The following SLC41A2 variants were observed in gnomAD, a reference collection of about 807,000 sequenced individuals.
The protein encoded by SLC41A2 is solute carrier family 41 member 2.
A neutral mutation model predicts 58.3 loss-of-function variants in SLC41A2; 32 were observed. That is an observed-to-expected ratio of 0.55 (90% CI 0.41 to 0.74). The LOEUF is 0.74. Ranked by LOEUF, SLC41A2 falls within the 30% of genes least tolerant of loss-of-function variation. The pLI is 0.00. For missense variants in SLC41A2, 514 were observed against 680.6 expected (o/e 0.76, Z 2.72); for synonymous variants, 190 against 235.0 (o/e 0.81, Z 1.75).
Position 104,802,214 on chromosome 12 carries a change from A to G in SLC41A2, c.*2938T>C, listed in dbSNP as rs1399459204. ...ATGGACAAGAAAGAAAAATGTTTCT[A>G]AAAGTGTTATCTGTGTATAAATAAA... On this transcript the variant is annotated 3_prime_UTR_variant, in exon 11 of 11. Transcript: ENST00000258538. 3.3e-5 allele frequency among the ~76,000 whole-genome samples: 5 copies of G among 152,206 alleles called. No homozygotes were observed. Among genetic ancestry groups the G allele is most frequent in the Admixed American group, 2.0e-4 (3 of 15,258 alleles).
chr12:104,954,588 T>C (rs2048076422), intron 1 of SLC41A2, among the ~76,000 whole-genome samples: 1 of 152,234 alleles, frequency 6.6e-6, no homozygotes, highest in African/African-American at 2.4e-5. Context: ...TTAGGTTGGA[T>C]AGTTTATATT....
intron 10 of SLC41A2, among the ~76,000 whole-genome samples, chr12:104,808,688 A>G (rs1215312267): frequency 1.3e-4 from 20 of 150,146 alleles, no homozygotes; most frequent in East Asian, 7.8e-4. Context: ...CTGTGAATCC[A>G]TCTGGTCCTG....
chr12:104,815,650 A>G (rs913836152), intron 10 of SLC41A2, among the ~76,000 whole-genome samples: 95 of 152,128 alleles, frequency 6.2e-4, no homozygotes, highest in African/African-American at 2.3e-3. Context: ...AATAAACCCG[A>G]GAAGTAGCAA....
chr12:104,861,117 T>C (rs150512017), intron 8 of SLC41A2, among the ~76,000 whole-genome samples, 174 bp downstream of exon 8: 1 of 152,324 alleles, frequency 6.6e-6, no homozygotes, highest in African/African-American at 2.4e-5. Flanking sequence ...ATTCTGCCTG[T>C]TGAGACCTGG....
Position 104,885,362 on chromosome 12 carries a change from T to C in SLC41A2, c.1027+931A>G, listed in dbSNP as rs549059211. ...GTCTCCAAAAGTCACAGAAAATTAT[T>C]GCCTTTGGTTGGTTAAAGCCCTTTC... On this transcript the variant is annotated intron_variant, in intron 6 of 10. Transcript: ENST00000258538. 2.7e-3 allele frequency among the ~76,000 whole-genome samples: 409 copies of C among 152,272 alleles called. 1 individual carries two copies. The highest frequency in any genetic ancestry group is 9.2e-3 in the African/African-American group (381 of 41,512).
chr12:104,889,266 C>CA (rs969045563), intron 4 of SLC41A2, 89 bp from the exon 5 acceptor site: 43 of 1,327,224 alleles, frequency 3.2e-5, no homozygotes, highest in Non-Finnish European at 4.2e-5. Context: ...TACAAAAAGT[C>CA]AAAAAAAGTA....
rs190191732 is a variant in SLC41A2, at chr12:104,826,370, C to T, written c.1536+18102G>A. ...AGGACAGATGGTCTGAGGTCCCATA[C>T]GTGCAGGCTTTCTATACCTTGCAAG... On this transcript the variant is annotated intron_variant, in intron 10 of 10. Transcript: ENST00000258538. Among the ~76,000 whole-genome samples, 8 of 152,330 alleles carry T rather than the reference C, an allele frequency of 5.3e-5. No homozygotes were observed. In the East Asian group the frequency reaches 1.2e-3, roughly 22 times the overall value.
chr12:104,927,978 C>T lies in SLC41A2; in HGVS notation c.550G>A (p.Val184Ile). 1 of 1,595,344 alleles carries T rather than the reference C, an allele frequency of 6.3e-7. No individual in the cohort carries two copies. Among genetic ancestry groups the T allele is most frequent in the South Asian group, 1.1e-5 (1 of 87,784 alleles). ...AAATAAAGATGAAAACCCACCTGTA[C>T]TATATCCAGTACCATGCCAGCTGAA... Reference protein sequence around the residue: ...TVSAGMVLDIVQHWEVFRKVT... With the variant: ...TVSAGMVLDIIQHWEVFRKVT... The change falls in exon 2 of 11, where the codon GTA becomes ATA. Residue 184 changes from valine to isoleucine, a missense_variant. Val to Ile is a conservative substitution (Grantham distance 29). Around this residue, in one of 3 missense-constraint regions of SLC41A2, gnomAD observed 336 missense variants for 430.0 expected, o/e 0.78. Coordinates refer to ENST00000258538, the MANE Select transcript of SLC41A2 (RefSeq NM_001352171.3).
At chr12:104,811,412 A>G (rs967117391) in intron 10 of SLC41A2, among the ~76,000 whole-genome samples, 2 of 152,226 alleles carry the variant, frequency 1.3e-5, no homozygotes, top group East Asian at 1.9e-4. Flanking sequence ...TCATTTTAAT[A>G]AAGTGTATAA....
At chr12:104,871,817 GAAATA>G (rs1446491475) in intron 6 of SLC41A2, among the ~76,000 whole-genome samples, 2 of 152,096 alleles carry the variant, frequency 1.3e-5, no homozygotes, top group African/African-American at 2.4e-5. Context: ...GTGCTACAAA[GAAATA>G]AAATAAGAAC....
chr12:104,804,675 C>G lies in SLC41A2; in HGVS notation c.*477G>C, dbSNP rs2040829062. 1 of 152,738 alleles carries G rather than the reference C, an allele frequency of 6.5e-6. No homozygotes were observed. Among genetic ancestry groups the G allele is most frequent in the African/African-American group, 2.4e-5 (1 of 41,448 alleles). The allele number at this position is 152,738 out of a possible 1,614,324, so 9.5% of individuals were successfully genotyped here. On this transcript the variant is annotated 3_prime_UTR_variant, in exon 11 of 11. Transcript: ENST00000258538. Reference sequence around the variant, plus strand: ...GAGCAACTGGTAAATTTATCCTCAGCTAGCATAGAGGTGGGCATTGTTAAT... The same window carrying G: ...GAGCAACTGGTAAATTTATCCTCAGGTAGCATAGAGGTGGGCATTGTTAAT...
chr12:104,827,306 T>A (rs1346919035), intron 10 of SLC41A2, among the ~76,000 whole-genome samples: 1 of 152,160 alleles, frequency 6.6e-6, no homozygotes, highest in Non-Finnish European at 1.5e-5. Flanking sequence ...CTTAAAGTAG[T>A]CACCTCGGTC....
chr12:104,908,723 T>G (rs2045956518), intron 3 of SLC41A2, among the ~76,000 whole-genome samples: 1 of 152,216 alleles, frequency 6.6e-6, no homozygotes, highest in Non-Finnish European at 1.5e-5. Context: ...ACAATGTCCT[T>G]TTGAGCTTCT....
chr12:104,904,802 G>T (rs929512445), intron 3 of SLC41A2, among the ~76,000 whole-genome samples: 2 of 152,134 alleles, frequency 1.3e-5, no homozygotes, highest in Non-Finnish European at 2.9e-5. Context: ...GCTGGGCTCA[G>T]GAGTGAAGCT....
chr12:104,943,556 C>A (rs934924953), intron 1 of SLC41A2, among the ~76,000 whole-genome samples: 1 of 152,212 alleles, frequency 6.6e-6, no homozygotes. Context: ...CCTGGACCAG[C>A]CTGCTAGCCC....
At chr12:104,811,620 C>T (rs554897934) in intron 10 of SLC41A2, among the ~76,000 whole-genome samples, 192 of 152,246 alleles carry the variant, frequency 1.3e-3, no homozygotes, top group Non-Finnish European at 2.0e-3. Flanking sequence ...ATATTTGCTT[C>T]GGATCATTGA....
intron 8 of SLC41A2, among the ~76,000 whole-genome samples, chr12:104,847,128 G>C (rs1380151985): frequency 6.6e-6 from 1 of 151,540 alleles, no homozygotes; most frequent in Non-Finnish European, 1.5e-5. Flanking sequence ...TAGTGGAAAA[G>C]ATATACAAAT....
At chr12:104,828,474 G>T (rs933300200) in intron 10 of SLC41A2, among the ~76,000 whole-genome samples, 1 of 152,126 alleles carries the variant, frequency 6.6e-6, no homozygotes, top group African/African-American at 2.4e-5. Context: ...AACCATCTAC[G>T]GATAGCTAAA....
In SLC41A2 at chr12:104,834,681, T is replaced by TA. The variant is rs35615983; in HGVS notation, c.1536+9790dup. 2.3e-3 allele frequency among the ~76,000 whole-genome samples: 332 copies of TA among 143,776 alleles called. No individual in the cohort carries two copies. The East Asian group carries it at 0.027, about 12-fold the overall frequency. The allele number at this position is 143,776 out of a possible 152,430, so 94.3% of individuals were successfully genotyped here. On this transcript the variant is annotated intron_variant, in intron 10 of 10. Transcript: ENST00000258538. ...CAGGGTTTGAGTTAGCATCATGATTTAAAAAAAAAAAAAGACATAACTACA... is the reference window on the plus strand; with the variant it reads ...CAGGGTTTGAGTTAGCATCATGATTTAAAAAAAAAAAAAAGACATAACTACA...
Sources: gnomAD v4.1 joint callset for allele counts (sites outside exome capture counted in the v4.1 genomes callset) on GRCh38, gnomAD v4.1.1 for gene constraint, gnomAD v4.1.1 regional missense constraint, MANE v1.5 for transcripts, NCBI Gene and HGNC (gene_info 2026-07-23, HGNC 2026-07-21) for gene names.